CDKAL1: variants seen among roughly 807,000 people sequenced by gnomAD.
CDKAL1 encodes threonylcarbamoyladenosine tRNA methylthiotransferase.
In CDKAL1, 32 loss-of-function variants were observed where a neutral mutation model predicts 68.2. The ratio of observed to expected loss-of-function variants is 0.47; its 90% CI spans 0.35 to 0.63. The LOEUF is 0.63. Among genes scored for constraint, CDKAL1 ranks in the 30% least tolerant of loss-of-function variants. CDKAL1 has a pLI of 0.00. For synonymous variants in CDKAL1, 234 were observed against 244.3 expected (o/e 0.96, Z 0.39); for missense variants, 606 against 696.7 (o/e 0.87, Z 1.47).
At chr6:20,625,283 C>T (rs1767376126) in intron 4 of CDKAL1, among the ~76,000 whole-genome samples, 1 of 151,932 alleles carries the variant, frequency 6.6e-6, no homozygotes, top group African/African-American at 2.4e-5. Context: ...AATTTTTTAC[C>T]TGGGTGCTCT....
At chr6:20,778,477 G>A (rs10946407) in intron 7 of CDKAL1, among the ~76,000 whole-genome samples, 15,687 of 152,198 alleles carry the variant, frequency 0.1, 879 homozygotes, top group African/African-American at 0.13. Context: ...TACTGGAGTA[G>A]ACATTTATAT....
At chr6:20,545,933 C>G (rs1370195884) in intron 2 of CDKAL1, among the ~76,000 whole-genome samples, 2 of 152,140 alleles carry the variant, frequency 1.3e-5, no homozygotes, top group African/African-American at 4.8e-5. Flanking sequence ...AGCTTATATT[C>G]TGATTTCCCT....
At chr6:21,106,463 C>T (rs992788485) in intron 12 of CDKAL1, among the ~76,000 whole-genome samples, 5 of 152,096 alleles carry the variant, frequency 3.3e-5, no homozygotes, top group Non-Finnish European at 5.9e-5. Context: ...GCCTGTAATC[C>T]CAGCTAGGAG....
At chr6:20,786,749 G>A (rs1355812300) in intron 8 of CDKAL1, among the ~76,000 whole-genome samples, 1 of 151,864 alleles carries the variant, frequency 6.6e-6, no homozygotes, top group Non-Finnish European at 1.5e-5. Flanking sequence ...TGCCTGCCTC[G>A]GCCTCCCAGT....
At chr6:20,559,713 A>G (rs1306495077) in intron 4 of CDKAL1, 1 of 152,194 alleles carries the variant, frequency 6.6e-6, no homozygotes, top group Non-Finnish European at 1.5e-5. Flanking sequence ...AATTACCGGC[A>G]TTATGGTATT....
At chr6:20,879,164 C>T (rs1760690427) in intron 9 of CDKAL1, among the ~76,000 whole-genome samples, 1 of 152,162 alleles carries the variant, frequency 6.6e-6, no homozygotes, top group Admixed American at 6.5e-5. Flanking sequence ...GAAATACCTG[C>T]CTAGTCCCTA....
chr6:21,008,069 T>G (rs754607185), intron 11 of CDKAL1, among the ~76,000 whole-genome samples: 5 of 152,194 alleles, frequency 3.3e-5, no homozygotes, highest in African/African-American at 7.2e-5. Flanking sequence ...AATCATATAG[T>G]TAACCCAGAT....
At chr6:21,201,473 G>A (rs187485241) in intron 15 of CDKAL1, among the ~76,000 whole-genome samples, 199 bp downstream of exon 15, 73 of 152,318 alleles carry the variant, frequency 4.8e-4, no homozygotes, top group African/African-American at 1.7e-3. Flanking sequence ...TTCTCTGGCT[G>A]TAAAGAGAAT....
intron 4 of CDKAL1, among the ~76,000 whole-genome samples, chr6:20,592,493 G>C (rs1367346663): frequency 7.1e-6 from 1 of 141,038 alleles, no homozygotes; most frequent in Admixed American, 7.3e-5. Flanking sequence ...TTTTGAGACA[G>C]AGTCTCACCC....
At chr6:20,662,717 A>G (rs1769344815) in intron 5 of CDKAL1, among the ~76,000 whole-genome samples, 1 of 152,120 alleles carries the variant, frequency 6.6e-6, no homozygotes. Flanking sequence ...GAACCAACTC[A>G]TATGTATGTT....
At chr6:20,690,469 G>T (rs2127802071) in intron 5 of CDKAL1, among the ~76,000 whole-genome samples, 1 of 152,202 alleles carries the variant, frequency 6.6e-6, no homozygotes, top group East Asian at 1.9e-4. Context: ...CTGTTCTCTA[G>T]AGAAGAGATA....
intron 9 of CDKAL1, among the ~76,000 whole-genome samples, chr6:20,906,112 G>C (rs1762218958): frequency 6.6e-6 from 1 of 152,156 alleles, no homozygotes; most frequent in Non-Finnish European, 1.5e-5. Flanking sequence ...CATGATTTTA[G>C]AGAGTAACGA....
intron 13 of CDKAL1, among the ~76,000 whole-genome samples, chr6:21,150,692 C>G (rs1776375525): frequency 6.6e-6 from 1 of 152,184 alleles, no homozygotes; most frequent in South Asian, 2.1e-4. Flanking sequence ...CCCATGAAGT[C>G]CCATGAAATA....
intron 5 of CDKAL1, among the ~76,000 whole-genome samples, chr6:20,701,840 C>T (rs909021570): frequency 1.3e-5 from 2 of 151,936 alleles, no homozygotes; most frequent in African/African-American, 4.8e-5. Flanking sequence ...AGTTTTTCTT[C>T]TTGTTTTTAG....
intron 9 of CDKAL1, among the ~76,000 whole-genome samples, chr6:20,901,320 G>A (rs924809015): frequency 5.9e-5 from 9 of 151,920 alleles, no homozygotes; most frequent in Non-Finnish European, 1.2e-4. Context: ...AATCTTCAGT[G>A]TATAGTTTAG....
chr6:20,992,651 G>A (rs1293140099), intron 10 of CDKAL1, among the ~76,000 whole-genome samples: 5 of 152,016 alleles, frequency 3.3e-5, no homozygotes, highest in East Asian at 1.9e-4. Flanking sequence ...TAATACCAGC[G>A]CTTTGGGAGG....
chr6:20,667,108 A>G (rs1769584449), intron 5 of CDKAL1, among the ~76,000 whole-genome samples: 2 of 152,210 alleles, frequency 1.3e-5, no homozygotes, highest in South Asian at 4.1e-4. Context: ...TGAAATAAAT[A>G]TACTTGTCCT....
chr6:21,194,006 T>A (rs1778366098), intron 13 of CDKAL1, among the ~76,000 whole-genome samples: 1 of 152,146 alleles, frequency 6.6e-6, no homozygotes, highest in South Asian at 2.1e-4. Flanking sequence ...GGGCTTCAAC[T>A]CAGCAGAAAG....
chr6:20,579,216 T>A (rs1183051812), intron 4 of CDKAL1, among the ~76,000 whole-genome samples: 1 of 152,058 alleles, frequency 6.6e-6, no homozygotes, highest in African/African-American at 2.4e-5. Flanking sequence ...TGACCTGAAG[T>A]GATCCACCTG....
Sources: allele counts gnomAD v4.1 joint callset (sites outside exome capture counted in the v4.1 genomes callset), GRCh38; gene constraint gnomAD v4.1.1; transcripts MANE v1.5; gene names NCBI Gene and HGNC (gene_info 2026-07-23, HGNC 2026-07-21).